GALNTL6: variants seen among roughly 807,000 people sequenced by gnomAD.
GALNTL6 encodes the protein polypeptide N-acetylgalactosaminyltransferase-like 6.
In GALNTL6, 46 loss-of-function variants were observed where a neutral mutation model predicts 73.7. The observed-to-expected ratio is 0.62, with a 90% CI of 0.49 to 0.80. The LOEUF is 0.80. GALNTL6 is among the 30% of genes least tolerant of loss of function. GALNTL6 has a pLI of 0.00. For synonymous variants in GALNTL6, 259 were observed against 263.7 expected (o/e 0.98, Z 0.17); for missense variants, 604 against 755.0 (o/e 0.80, Z 2.34).
intron 2 of GALNTL6, among the ~76,000 whole-genome samples, chr4:171,896,493 A>G (rs1208254564): frequency 6.6e-6 from 1 of 152,222 alleles, no homozygotes; most frequent in Non-Finnish European, 1.5e-5. Flanking sequence ...ATAAATGACA[A>G]CAATTTATTT....
intron 8 of GALNTL6, among the ~76,000 whole-genome samples, chr4:172,892,852 A>G (rs1039408658): frequency 2.0e-5 from 3 of 152,082 alleles, no homozygotes; most frequent in African/African-American, 7.2e-5. Flanking sequence ...CTCCTCCCTC[A>G]GGGGCAGCCC....
chr4:172,220,253 C>T (rs1049712125), intron 2 of GALNTL6, among the ~76,000 whole-genome samples: 1 of 151,686 alleles, frequency 6.6e-6, no homozygotes, highest in Non-Finnish European at 1.5e-5. Context: ...AGTACCTAAA[C>T]AGTGCCAGAC....
intron 5 of GALNTL6, among the ~76,000 whole-genome samples, chr4:172,607,200 C>T (rs1738337932): frequency 6.6e-6 from 1 of 152,114 alleles, no homozygotes; most frequent in Non-Finnish European, 1.5e-5. Flanking sequence ...TTTAATCCCT[C>T]TACTCTCATG....
chr4:172,171,786 A>G (rs984492215), intron 2 of GALNTL6, among the ~76,000 whole-genome samples: 5 of 152,092 alleles, frequency 3.3e-5, no homozygotes, highest in Admixed American at 3.3e-4. Context: ...GGTTACACCA[A>G]TGCACTCCAG....
Position 173,014,241 on chromosome 4 carries a change from T to C in GALNTL6, c.1488+4947T>C, listed in dbSNP as rs146493881. Among the ~76,000 whole-genome samples, 14 of 152,364 alleles carry C rather than the reference T, an allele frequency of 9.2e-5. 1 individual carries two copies. Among genetic ancestry groups the C allele is most frequent in the African/African-American group, 3.1e-4 (13 of 41,596 alleles). On this transcript the variant is annotated intron_variant, in intron 11 of 12. Coordinates refer to ENST00000506823, the MANE Select transcript of GALNTL6 (RefSeq NM_001034845.3). Reference sequence around the variant, plus strand: ...GGGCAATCTGCATAGCTGTTTGATATCATGGTAGCATTATGCTTCCTTTAG... The same window carrying C: ...GGGCAATCTGCATAGCTGTTTGATACCATGGTAGCATTATGCTTCCTTTAG...
intron 7 of GALNTL6, among the ~76,000 whole-genome samples, chr4:172,863,206 G>A (rs566502352): frequency 1.7e-4 from 26 of 152,320 alleles, no homozygotes; most frequent in African/African-American, 6.3e-4. Flanking sequence ...GGGAAAGATG[G>A]GATCAGAGAC....
intron 5 of GALNTL6, among the ~76,000 whole-genome samples, chr4:172,521,649 G>A (rs1254233053): frequency 3.9e-5 from 6 of 152,066 alleles, no homozygotes; most frequent in African/African-American, 1.4e-4. Flanking sequence ...TAATTTTAGG[G>A]TAATAAAGAA....
At chr4:172,936,274 C>T (rs990312489) in intron 9 of GALNTL6, among the ~76,000 whole-genome samples, 8 of 152,256 alleles carry the variant, frequency 5.3e-5, no homozygotes, top group African/African-American at 1.4e-4. Context: ...ATCGATGGAA[C>T]GTATCTCAAA....
chr4:172,900,830 G>T (rs986174240), intron 8 of GALNTL6, among the ~76,000 whole-genome samples: 2 of 152,070 alleles, frequency 1.3e-5, no homozygotes, highest in Non-Finnish European at 2.9e-5. Context: ...TAATAAACTG[G>T]TTGGTGGATA....
chr4:172,606,258 C>T (rs1276002969), intron 5 of GALNTL6, among the ~76,000 whole-genome samples: 1 of 151,220 alleles, frequency 6.6e-6, no homozygotes, highest in Non-Finnish European at 1.5e-5. Context: ...AGTTCCAGAC[C>T]GGCCTGACCA....
At chr4:172,137,402 T>C (rs1660764029) in intron 2 of GALNTL6, among the ~76,000 whole-genome samples, 1 of 152,168 alleles carries the variant, frequency 6.6e-6, no homozygotes, top group Non-Finnish European at 1.5e-5. Flanking sequence ...AAATTTAATC[T>C]CACAAAGGTG....
intron 2 of GALNTL6, among the ~76,000 whole-genome samples, chr4:171,982,715 T>C (rs1455549464): frequency 6.6e-6 from 1 of 152,184 alleles, no homozygotes; most frequent in Non-Finnish European, 1.5e-5. Context: ...ACATTTGACT[T>C]ACAAAGTTTT....
intron 2 of GALNTL6, among the ~76,000 whole-genome samples, chr4:172,182,670 T>G (rs1491619): frequency 0.44 from 66,219 of 151,230 alleles, 16,856 homozygotes; most frequent in East Asian, 0.8. Context: ...GGAGTAAAAA[T>G]TAAGCCAAAG....
chr4:172,877,978 C>G (rs1462162890), intron 7 of GALNTL6, among the ~76,000 whole-genome samples: 3 of 151,858 alleles, frequency 2.0e-5, no homozygotes, highest in Non-Finnish European at 4.4e-5. Flanking sequence ...AGAAAACAAA[C>G]AATGTGAAGA....
At chr4:172,169,122 G>A (rs868442490) in intron 2 of GALNTL6, among the ~76,000 whole-genome samples, 1 of 152,204 alleles carries the variant, frequency 6.6e-6, no homozygotes, top group Non-Finnish European at 1.5e-5. Flanking sequence ...AAGTAAATGG[G>A]AAGAAGTAGT....
rs1736142304 is a variant in GALNTL6, at chr4:172,206,821, T to TTG, written c.139-22834_139-22833insGT. ...TGTTTTTCTGTTTTTTTTGTTTGTT[T>TTG]TTTTTTTTTTTTTTGAGACGGAGTC... On this transcript the variant is annotated intron_variant, in intron 2 of 12. Coordinates refer to ENST00000506823, the MANE Select transcript of GALNTL6 (RefSeq NM_001034845.3). Among the ~76,000 whole-genome samples, 2 of 76,418 alleles carry TTG rather than the reference T, an allele frequency of 2.6e-5. 1 individual carries two copies. 50.1% of individuals were successfully genotyped at this position (76,418 alleles called of 152,430 possible).
chr4:172,156,582 A>G (rs941489968), intron 2 of GALNTL6, among the ~76,000 whole-genome samples: 3 of 144,024 alleles, frequency 2.1e-5, no homozygotes, highest in Non-Finnish European at 4.5e-5. Context: ...CTATATATAT[A>G]TAGTATATTG....
At chr4:172,912,303 C>A (rs1160838965) in intron 8 of GALNTL6, among the ~76,000 whole-genome samples, 2 of 152,180 alleles carry the variant, frequency 1.3e-5, no homozygotes, top group East Asian at 3.8e-4. Flanking sequence ...CCAGTGTCAG[C>A]AACGCAGAAG....
chr4:172,359,227 T>C (rs1742280274), intron 5 of GALNTL6, among the ~76,000 whole-genome samples: 1 of 152,204 alleles, frequency 6.6e-6, no homozygotes, highest in Admixed American at 6.5e-5. Context: ...TCATATTCTT[T>C]GCTGGAACAT....
Sources: allele counts gnomAD v4.1 joint callset (sites outside exome capture counted in the v4.1 genomes callset), GRCh38; gene constraint gnomAD v4.1.1; transcripts MANE v1.5; gene names NCBI Gene and HGNC (gene_info 2026-07-23, HGNC 2026-07-21).